CADPS: variants seen among roughly 807,000 people sequenced by gnomAD.
The protein encoded by CADPS is calcium-dependent secretion activator 1.
CADPS carries 57 observed loss-of-function variants against 167.3 expected under a neutral mutation model. That is an observed-to-expected ratio of 0.34 (90% CI 0.28 to 0.42). The LOEUF is 0.42. Among genes scored for constraint, CADPS ranks in the 20% least tolerant of loss-of-function variants. CADPS has a pLI of 1.00. For synonymous variants in CADPS, 676 were observed against 635.3 expected (o/e 1.06, Z -0.96); for missense variants, 1,414 against 1,738.1 (o/e 0.81, Z 3.32).
intron 5 of CADPS, among the ~76,000 whole-genome samples, chr3:62,648,212 A>G (rs1345185277): frequency 6.6e-6 from 1 of 152,294 alleles, no homozygotes; most frequent in Non-Finnish European, 1.5e-5. Context: ...GTTTTCTATG[A>G]TGTGCAATTC....
rs373248827 is a variant in CADPS at position 62,651,007 on chromosome 3, T to C, written c.1043A>G (p.Asn348Ser). 1.2e-6 allele frequency: 2 copies of C among 1,614,180 alleles called. No individual in the cohort carries two copies. Among genetic ancestry groups the C allele is most frequent in the East Asian group, 4.5e-5 (2 of 44,870 alleles). Residue 348 changes from asparagine to serine, a missense_variant, in exon 5 of 30, where the codon AAC (asparagine) becomes AGC (serine). By Grantham distance (46) the Asn-to-Ser change is conservative. Coordinates refer to ENST00000383710, the MANE Select transcript of CADPS (RefSeq NM_003716.4). Reference sequence around the variant, plus strand: ...GCTCTCCAAGTTGGCCATGAGCAGGTTGACAGATGACTTCAGCTCCTCAAT... The same window carrying C: ...GCTCTCCAAGTTGGCCATGAGCAGGCTGACAGATGACTTCAGCTCCTCAAT... ...MYIEELKSSV[N>S]LLMANLESMP...
At chr3:62,797,193 C>T (rs1165947459) in intron 1 of CADPS, among the ~76,000 whole-genome samples, 2 of 151,960 alleles carry the variant, frequency 1.3e-5, no homozygotes, top group Non-Finnish European at 2.9e-5. Flanking sequence ...AGGGAGTGTC[C>T]ATGAAATAGC....
intron 26 of CADPS, among the ~76,000 whole-genome samples, chr3:62,463,386 T>C (rs1455602241): frequency 6.6e-6 from 1 of 152,210 alleles, no homozygotes; most frequent in Non-Finnish European, 1.5e-5. Context: ...GAAAGCAATG[T>C]CTTCTACGGG....
intron 9 of CADPS, among the ~76,000 whole-genome samples, chr3:62,570,627 T>C (rs1415715392): frequency 6.6e-6 from 1 of 152,188 alleles, no homozygotes. Context: ...AAATTATGAG[T>C]ATTCATTAAT....
intron 3 of CADPS, among the ~76,000 whole-genome samples, chr3:62,692,660 C>T (rs2151325520): frequency 6.6e-6 from 1 of 152,168 alleles, no homozygotes; most frequent in South Asian, 2.1e-4. Context: ...TCAACCTAGT[C>T]CAAGCTACCA....
chr3:62,486,033 G>A (rs572354402), intron 21 of CADPS, among the ~76,000 whole-genome samples: 8 of 152,288 alleles, frequency 5.3e-5, no homozygotes, highest in Non-Finnish European at 1.2e-4. Flanking sequence ...TTGCTAAGGT[G>A]TCTTTGGTCT....
intron 1 of CADPS, among the ~76,000 whole-genome samples, chr3:62,865,365 C>T (rs1398548783): frequency 2.8e-5 from 4 of 144,296 alleles, no homozygotes; most frequent in Non-Finnish European, 4.5e-5. Context: ...TTAGCATGTG[C>T]TCCTGGAACA....
At chr3:62,645,693 A>C in intron 6 of CADPS, 29 bp downstream of exon 6, 1 of 1,612,574 alleles carries the variant, frequency 6.2e-7, no homozygotes, top group Non-Finnish European at 8.5e-7. Context: ...AACCCTCTAT[A>C]AGATGGACCC....
At chr3:62,846,594 T>A (rs1167650028) in intron 1 of CADPS, among the ~76,000 whole-genome samples, 1 of 152,180 alleles carries the variant, frequency 6.6e-6, no homozygotes, top group Non-Finnish European at 1.5e-5. Context: ...TTGCAAAATA[T>A]GTTGGTTTTC....
chr3:62,414,521 G>A (rs917401961), intron 28 of CADPS, among the ~76,000 whole-genome samples: 1 of 152,208 alleles, frequency 6.6e-6, no homozygotes, highest in African/African-American at 2.4e-5. Flanking sequence ...GCCTCAAAAT[G>A]ATCTTTGCAC....
intron 1 of CADPS, among the ~76,000 whole-genome samples, chr3:62,776,929 C>G (rs144269932): frequency 6.6e-6 from 1 of 152,036 alleles, no homozygotes; most frequent in Non-Finnish European, 1.5e-5. Flanking sequence ...AACTGTGGGA[C>G]CTTCTTGGAG....
chr3:62,727,974 T>C (rs1224027324), intron 3 of CADPS, among the ~76,000 whole-genome samples: 2 of 151,870 alleles, frequency 1.3e-5, no homozygotes, highest in South Asian at 2.1e-4. Flanking sequence ...GCTTAGCTCT[T>C]ATCAGATTAG....
chr3:62,643,039 A>G (rs1483431905), intron 6 of CADPS, among the ~76,000 whole-genome samples: 1 of 152,234 alleles, frequency 6.6e-6, no homozygotes, highest in Non-Finnish European at 1.5e-5. Context: ...TGACAAAGAA[A>G]AATGGTTAAA....
At chr3:62,644,296 AT>A (rs2068055359) in intron 6 of CADPS, among the ~76,000 whole-genome samples, 1 of 152,194 alleles carries the variant, frequency 6.6e-6, no homozygotes, top group South Asian at 2.1e-4. Context: ...AAAGATGCTC[AT>A]TAGTCTAGAT....
At position 62,602,689 on chromosome 3, in the gene CADPS, G is replaced by GA. The variant is rs1333623926; in HGVS notation, c.1326-9942dup. Among the ~76,000 whole-genome samples, 1 of 152,166 alleles carries GA rather than the reference G, an allele frequency of 6.6e-6. No individual in the cohort carries two copies. The highest frequency in any genetic ancestry group is 2.4e-5 in the African/African-American group (1 of 41,438). On this transcript the variant is annotated intron_variant, in intron 6 of 29. Transcript: ENST00000383710. The surrounding 1 kb of genome is among the most constrained non-coding windows in gnomAD (Gnocchi z 4.4). Reference sequence around the variant, plus strand: ...ACATAAGTGAGGCGTTTGCTTTGTAGAAATTGGGCTGTCTGGGAGGCAGAG... The same window carrying GA: ...ACATAAGTGAGGCGTTTGCTTTGTAGAAAATTGGGCTGTCTGGGAGGCAGAG...
intron 1 of CADPS, among the ~76,000 whole-genome samples, chr3:62,846,775 T>C (rs990345439): frequency 2.0e-5 from 3 of 152,156 alleles, no homozygotes; most frequent in African/African-American, 4.8e-5. Flanking sequence ...GCAATTCTTT[T>C]GATTCAGCCT....
At chr3:62,649,725 A>T (rs549095830) in intron 5 of CADPS, among the ~76,000 whole-genome samples, 387 of 148,064 alleles carry the variant, frequency 2.6e-3, no homozygotes, top group African/African-American at 5.2e-3. Context: ...ATTAAAAAAA[A>T]TTTTTTTTTT....
intron 3 of CADPS, among the ~76,000 whole-genome samples, chr3:62,751,883 G>A (rs1453191709): frequency 1.3e-5 from 2 of 152,070 alleles, no homozygotes; most frequent in Non-Finnish European, 2.9e-5. Context: ...ATATGATCCT[G>A]CCACTCAATT....
At chr3:62,831,403 G>C (rs1233846656) in intron 1 of CADPS, among the ~76,000 whole-genome samples, 1 of 152,116 alleles carries the variant, frequency 6.6e-6, no homozygotes, top group East Asian at 1.9e-4. Context: ...GGCTGCTTCT[G>C]TAACAACAGT....
Sources: gnomAD v4.1 joint callset for allele counts (sites outside exome capture counted in the v4.1 genomes callset) on GRCh38, gnomAD v4.1.1 for gene constraint, Gnocchi (gnomAD v3.1) non-coding constraint, MANE v1.5 for transcripts, NCBI Gene and HGNC (gene_info 2026-07-23, HGNC 2026-07-21) for gene names.